The following GPAT3 variants were observed in gnomAD, a reference collection of about 807,000 sequenced individuals.
GPAT3 encodes the protein glycerol-3-phosphate acyltransferase 3.
A neutral mutation model predicts 58.8 loss-of-function variants in GPAT3; 53 were observed. The observed-to-expected ratio is 0.90, with a 90% CI of 0.72 to 1.13. The LOEUF (loss-of-function observed/expected upper bound fraction) is 1.13. GPAT3 is among the 50% of genes most tolerant of loss of function. GPAT3 has a pLI of 0.00. For synonymous variants in GPAT3, 197 were observed against 187.4 expected (o/e 1.05, Z -0.42); for missense variants, 511 against 527.6 (o/e 0.97, Z 0.31).
At chr4:83,545,643 G>A (rs1229728838) in intron 2 of GPAT3, among the ~76,000 whole-genome samples, 1 of 152,126 alleles carries the variant, frequency 6.6e-6, no homozygotes, top group Non-Finnish European at 1.5e-5. Flanking sequence ...GCTTCATGGT[G>A]TATACTTAAA....
At chr4:83,565,689 C>T (rs188653969) in intron 2 of GPAT3, among the ~76,000 whole-genome samples, 8 of 152,106 alleles carry the variant, frequency 5.3e-5, no homozygotes, top group Admixed American at 5.2e-4. Flanking sequence ...ACCAGCCCCA[C>T]ACCACCCGGT....
Position 83,544,672 on chromosome 4 carries a change from A to G in GPAT3, c.208+70A>G. 16 of 1,415,252 alleles carry G rather than the reference A, an allele frequency of 1.1e-5. No homozygotes were observed. In the South Asian group the frequency reaches 1.9e-4, roughly 16 times the overall value. The allele number at this position is 1,415,252 out of a possible 1,614,324, so 87.7% of individuals were successfully genotyped here. On this transcript the variant is annotated intron_variant, in intron 2 of 11. Coordinates refer to ENST00000264409, the MANE Select transcript of GPAT3 (RefSeq NM_032717.5). ...GTGGATGTAAACCTACCCAATTTGAACTTGAAATATGCAGAGAGCAGTGTG... is the reference window on the plus strand; with the variant it reads ...GTGGATGTAAACCTACCCAATTTGAGCTTGAAATATGCAGAGAGCAGTGTG...
chr4:83,596,878 A>T lies in GPAT3; in HGVS notation c.875A>T (p.Asp292Val), dbSNP rs1411257363. The part of the protein sequence containing the change: ...VTKRLKEHIA[D>V]KKKLPILIFP... ...CATAGACTAAAAGAACATATTGCTGATAAGAAGAAACTACCCATACTAATT... is the reference window on the plus strand; with the variant it reads ...CATAGACTAAAAGAACATATTGCTGTTAAGAAGAAACTACCCATACTAATT... Residue 292 changes from aspartate to valine, a missense_variant, in exon 8 of 12, where the codon GAT becomes GTT. Coordinates refer to ENST00000264409, the MANE Select transcript of GPAT3 (RefSeq NM_032717.5). The T allele has an allele frequency of 1.2e-6, 2 of 1,602,236 alleles. No homozygotes were observed. The highest frequency in any genetic ancestry group is 8.5e-7 in the Non-Finnish European group (1 of 1,177,250).
At chr4:83,572,489 G>T (rs1725644908) in intron 2 of GPAT3, among the ~76,000 whole-genome samples, 1 of 151,602 alleles carries the variant, frequency 6.6e-6, no homozygotes, top group Non-Finnish European at 1.5e-5. Context: ...TTTTTTTCAG[G>T]TTTTCCTTTG....
intron 2 of GPAT3, among the ~76,000 whole-genome samples, chr4:83,557,261 A>G (rs1724974412): frequency 1.3e-5 from 2 of 152,250 alleles, no homozygotes; most frequent in African/African-American, 4.8e-5. Flanking sequence ...ACAAATGTGC[A>G]AACCATGTAG....
At chr4:83,567,704 G>T (rs1374099667) in intron 2 of GPAT3, among the ~76,000 whole-genome samples, 1 of 152,050 alleles carries the variant, frequency 6.6e-6, no homozygotes, top group African/African-American at 2.4e-5. Context: ...AGGCTGAGGC[G>T]GGTGGATCAT....
chr4:83,604,928 C>G lies in GPAT3; in HGVS notation c.*161C>G. ...GCCAGAGGCAGAACCTACAGGTGCC[C>G]TTTTTGGCTTTTGTTGTTGTTGTAA... On this transcript the variant is annotated 3_prime_UTR_variant, in exon 12 of 12. Coordinates refer to ENST00000264409, the MANE Select transcript of GPAT3 (RefSeq NM_032717.5). The G allele has an allele frequency of 1.7e-6, 1 of 601,202 alleles. No homozygotes were observed. The highest frequency in any genetic ancestry group is 2.8e-6 in the Non-Finnish European group (1 of 354,238). 37.2% of individuals were successfully genotyped at this position (601,202 alleles called of 1,614,324 possible). A position where few individuals can be genotyped will look rare whatever the true frequency, so the allele number is the denominator to read the frequency against.
chr4:83,581,504 T>C, intron 2 of GPAT3, 58 bp from the exon 3 acceptor site: 1 of 1,552,184 alleles, frequency 6.4e-7, no homozygotes, highest in Non-Finnish European at 8.7e-7. Flanking sequence ...AAAGTTGCCC[T>C]TTTGGTCAAT....
At chr4:83,570,758 C>T (rs1462421043) in intron 2 of GPAT3, among the ~76,000 whole-genome samples, 4 of 152,172 alleles carry the variant, frequency 2.6e-5, no homozygotes, top group African/African-American at 9.7e-5. Context: ...CAGGCGTGAG[C>T]CACTGTGCCC....
chr4:83,574,477 A>G (rs1380503286), intron 2 of GPAT3, among the ~76,000 whole-genome samples: 1 of 147,960 alleles, frequency 6.8e-6, no homozygotes, highest in Non-Finnish European at 1.5e-5. Context: ...AGCTTGTGCA[A>G]TTAATCGCTT....
At chr4:83,603,802 A>C (rs913333616) in intron 11 of GPAT3, among the ~76,000 whole-genome samples, 13 of 151,170 alleles carry the variant, frequency 8.6e-5, no homozygotes, top group Admixed American at 5.9e-4. Flanking sequence ...AAAAAAAAAA[A>C]AAAAAAAAAA....
intron 8 of GPAT3, 44 bp from the exon 9 acceptor site, chr4:83,597,386 C>A: frequency 2.0e-6 from 2 of 998,916 alleles, no homozygotes; most frequent in Non-Finnish European, 2.8e-6. Context: ...TTTAAAATGA[C>A]TGCCTTTAAA....
At position 83,588,236 on chromosome 4, in the gene GPAT3, T is replaced by G. The variant is rs765370167; in HGVS notation, c.581T>G (p.Val194Gly). 1.1e-5 allele frequency: 18 copies of G among 1,614,058 alleles called. No individual in the cohort carries two copies. The highest frequency in any genetic ancestry group is 1.5e-5 in the Non-Finnish European group (18 of 1,179,940). Residue 194 changes from valine to glycine, a missense_variant, in exon 5 of 12, where the codon GTC (valine) becomes GGC (glycine). Coordinates refer to ENST00000264409, the MANE Select transcript of GPAT3 (RefSeq NM_032717.5). ...CTCAAAAACTGGCTGAGTGAACTGG[T>G]CCATCTGACTTGCTGCCGGATCTGT... ...SSLKNWLSEL[V>G]HLTCCRICVR...
At chr4:83,552,379 A>G (rs913686542) in intron 2 of GPAT3, among the ~76,000 whole-genome samples, 1 of 152,118 alleles carries the variant, frequency 6.6e-6, no homozygotes, top group African/African-American at 2.4e-5. Context: ...ACCCCTGCTC[A>G]TTTGTGAATC....
At chr4:83,542,448 T>C (rs1724339046) in intron 1 of GPAT3, among the ~76,000 whole-genome samples, 1 of 152,172 alleles carries the variant, frequency 6.6e-6, no homozygotes, top group Admixed American at 6.5e-5. Context: ...TCACTGGAAG[T>C]TGGGAGATTG....
chr4:83,586,122 G>A (rs533097604), intron 3 of GPAT3, among the ~76,000 whole-genome samples: 28 of 152,316 alleles, frequency 1.8e-4, no homozygotes, highest in South Asian at 4.1e-4. Context: ...ATGATTAAAT[G>A]TGTTAAATAT....
rs756506602 is a variant in GPAT3 at position 83,536,735 on chromosome 4, A to G, written c.113A>G (p.Tyr38Cys). Reference protein sequence around the residue: ...FGVSLGISEIYMKILVKTLEW... With the variant: ...FGVSLGISEICMKILVKTLEW... ...GTGTCTCTGGGCATCTCCGAGATCT[A>G]CATGAAGATCCTAGTGAAAACTTTA... The change falls in exon 1 of 12, where the codon TAC becomes TGC. Residue 38 changes from tyrosine to cysteine, a missense_variant. By Grantham distance (194) the Tyr-to-Cys change is radical. Transcript: ENST00000264409. 14 of 1,612,854 alleles carry G rather than the reference A, an allele frequency of 8.7e-6. No homozygotes were observed. The highest frequency in any genetic ancestry group is 1.1e-5 in the Non-Finnish European group (13 of 1,179,800).
chr4:83,555,407 TGGAA>T (rs1438724692), intron 2 of GPAT3, among the ~76,000 whole-genome samples: 1 of 107,292 alleles, frequency 9.3e-6, no homozygotes, highest in Non-Finnish European at 1.9e-5. Context: ...AATCATTTTA[TGGAA>T]GCTGATGTCA....
chr4:83,581,763 T>G lies in GPAT3; in HGVS notation c.410T>G (p.Ile137Ser). The change falls in exon 3 of 12, where the codon ATC (isoleucine) becomes AGC (serine). Residue 137 changes from isoleucine (I) to serine (S), a missense_variant. Coordinates refer to ENST00000264409, the MANE Select transcript of GPAT3 (RefSeq NM_032717.5). ...LTRTNVNFQY[I>S]SLRLTMVWVL... ...AGAACCAATGTAAATTTCCAGTACA[T>G]CAGTCTGCGGCTCACTATGGTGTGG... is the stretch of plus-strand genomic sequence containing the variant. The G allele has an allele frequency of 6.2e-7, 1 of 1,614,176 alleles. No homozygotes were observed. The highest frequency in any genetic ancestry group is 8.5e-7 in the Non-Finnish European group (1 of 1,180,034).
Sources: gnomAD v4.1 joint callset for allele counts (sites outside exome capture counted in the v4.1 genomes callset) on GRCh38, gnomAD v4.1.1 for gene constraint, MANE v1.5 for transcripts, NCBI Gene and HGNC (gene_info 2026-07-23, HGNC 2026-07-21) for gene names.